Variants in TLK1 observed in about 807,000 individuals in gnomAD.
TLK1 encodes serine/threonine-protein kinase tousled-like 1.
In TLK1, 24 loss-of-function variants were observed where a neutral mutation model predicts 105.3. That is an observed-to-expected ratio of 0.23 (90% confidence interval 0.17 to 0.32). The LOEUF (loss-of-function observed/expected upper bound fraction) is 0.32. Ranked by LOEUF, TLK1 falls within the 10% of genes least tolerant of loss-of-function variation. The pLI is 1.00. For synonymous variants in TLK1, 321 were observed against 310.4 expected (o/e 1.03, Z -0.36); for missense variants, 558 against 910.5 (o/e 0.61, Z 4.98).
At chr2:171,015,050 G>A in intron 12 of TLK1, 102 bp from the exon 13 acceptor site, 1 of 864,474 alleles carries the variant, frequency 1.2e-6, no homozygotes, top group Non-Finnish European at 1.9e-6. Context: ...GGGAAGAATA[G>A]TATATTATAA....
At chr2:171,037,158 T>C (rs1046807831) in intron 11 of TLK1, among the ~76,000 whole-genome samples, 1 of 152,004 alleles carries the variant, frequency 6.6e-6, no homozygotes, top group African/African-American at 2.4e-5. Flanking sequence ...AGAAGCATGA[T>C]GGGCCTGGCA....
chr2:171,016,326 G>T (rs1437300450), intron 12 of TLK1, among the ~76,000 whole-genome samples: 1 of 152,080 alleles, frequency 6.6e-6, no homozygotes, highest in African/African-American at 2.4e-5. Flanking sequence ...TAGAGATGGG[G>T]TCTCACTGTG....
intron 1 of TLK1, among the ~76,000 whole-genome samples, chr2:171,125,202 A>C (rs2105544949): frequency 6.6e-6 from 1 of 152,312 alleles, no homozygotes; most frequent in Admixed American, 6.5e-5. Context: ...TTTATGAAGA[A>C]ATTATGCTGT....
intron 11 of TLK1, among the ~76,000 whole-genome samples, chr2:171,035,457 G>A (rs887606851): frequency 8.5e-5 from 13 of 152,064 alleles, no homozygotes; most frequent in East Asian, 1.9e-4. Context: ...CCCCAACCAC[G>A]CGGAACTGTT....
At chr2:171,105,284 C>G (rs1195872988) in intron 2 of TLK1, among the ~76,000 whole-genome samples, 1 of 152,158 alleles carries the variant, frequency 6.6e-6, no homozygotes, top group Non-Finnish European at 1.5e-5. Flanking sequence ...ACAAGGAACT[C>G]AAACAACTCA....
intron 2 of TLK1, among the ~76,000 whole-genome samples, chr2:171,109,239 T>C (rs1690060124): frequency 6.6e-6 from 1 of 152,214 alleles, no homozygotes; most frequent in African/African-American, 2.4e-5. Flanking sequence ...CAGGGACTGA[T>C]GTCAGGGACT....
At chr2:171,079,024 T>C (rs755341750) in intron 3 of TLK1, among the ~76,000 whole-genome samples, 4 of 152,182 alleles carry the variant, frequency 2.6e-5, no homozygotes, top group Admixed American at 2.6e-4. Context: ...TTCCTGCATA[T>C]AGTCCCTCTA....
intron 4 of TLK1, among the ~76,000 whole-genome samples, chr2:171,058,614 C>T (rs1375694593): frequency 6.6e-6 from 1 of 152,056 alleles, no homozygotes; most frequent in African/African-American, 2.4e-5. Flanking sequence ...TTCTAAAAAG[C>T]ATTCCCAAAT....
intron 11 of TLK1, among the ~76,000 whole-genome samples, chr2:171,042,448 C>T (rs1028801696): frequency 6.6e-6 from 1 of 151,782 alleles, no homozygotes; most frequent in African/African-American, 2.4e-5. Flanking sequence ...GGGTCTTGCT[C>T]TGTTGCCCAG....
chr2:171,185,523 A>C (rs747877730), intron 1 of TLK1, among the ~76,000 whole-genome samples: 5 of 152,118 alleles, frequency 3.3e-5, no homozygotes, highest in Non-Finnish European at 7.3e-5. Flanking sequence ...TGCAGAGTGC[A>C]CTACACTTTC....
intron 1 of TLK1, among the ~76,000 whole-genome samples, chr2:171,224,503 C>T (rs1693864766): frequency 6.6e-6 from 1 of 151,996 alleles, no homozygotes; most frequent in Admixed American, 6.6e-5. Flanking sequence ...AAACTTTAGA[C>T]TGCTTTGTAT....
At chr2:171,000,481 T>C (rs894591256) in intron 18 of TLK1, among the ~76,000 whole-genome samples, 11 of 152,140 alleles carry the variant, frequency 7.2e-5, no homozygotes, top group African/African-American at 2.2e-4. Flanking sequence ...TTTTATATGC[T>C]GTATTATATA....
At position 171,204,856 on chromosome 2, in the gene TLK1, G is replaced by T. The variant is rs545470707; in HGVS notation, c.-6+26289C>A. On this transcript the variant is annotated intron_variant, in intron 1 of 20. Transcript: ENST00000521943. ...GCCTGTAATCCCAGCTACTCGGGAG[G>T]CTGAGGCAGGAGAATCACTTGAACC... Among the ~76,000 whole-genome samples the T allele has an allele frequency of 1.8e-3, 280 of 152,154 alleles. 1 individual carries two copies. The highest frequency in any genetic ancestry group is 6.4e-3 in the African/African-American group (267 of 41,500).
At chr2:171,225,209 T>A (rs1317394222) in intron 1 of TLK1, among the ~76,000 whole-genome samples, 1 of 152,110 alleles carries the variant, frequency 6.6e-6, no homozygotes, top group Non-Finnish European at 1.5e-5. Flanking sequence ...ACCCACAAAT[T>A]GGGAGAAAAT....
chr2:171,226,334 G>A (rs1464885335), intron 1 of TLK1, among the ~76,000 whole-genome samples: 1 of 152,092 alleles, frequency 6.6e-6, no homozygotes, highest in Non-Finnish European at 1.5e-5. Context: ...AATCAGTAAA[G>A]CATCAAAAGA....
rs1312742171 is a variant in TLK1 at position 171,006,906 on chromosome 2, T to C, written c.1509-17A>G. On this transcript the variant is annotated splice_polypyrimidine_tract_variant and intron_variant, in intron 15 of 20. Coordinates refer to ENST00000431350, the MANE Select transcript of TLK1 (RefSeq NM_012290.5). ...CAGGCATGTCTATGAGAAGACAGTG[T>C]ATTAATTCTCCATGATCATTCAAAA... The C allele has an allele frequency of 1.9e-6, 3 of 1,608,852 alleles. No individual in the cohort carries two copies. The highest frequency in any genetic ancestry group is 8.5e-7 in the Non-Finnish European group (1 of 1,177,098).
At chr2:171,055,461 C>T (rs918146223) in intron 6 of TLK1, among the ~76,000 whole-genome samples, 1 of 150,992 alleles carries the variant, frequency 6.6e-6, no homozygotes, top group Admixed American at 6.6e-5. Context: ...TGCTTTCATA[C>T]AGTTAAAAAA....
At chr2:171,113,772 A>G (rs1260630962) in intron 2 of TLK1, among the ~76,000 whole-genome samples, 1 of 152,218 alleles carries the variant, frequency 6.6e-6, no homozygotes, top group Non-Finnish European at 1.5e-5. Context: ...GATGGATTAA[A>G]GAGCAAGTAT....
intron 1 of TLK1, among the ~76,000 whole-genome samples, chr2:171,203,957 C>G (rs1223904714): frequency 6.6e-6 from 1 of 151,838 alleles, no homozygotes; most frequent in Non-Finnish European, 1.5e-5. Flanking sequence ...GAGGCTGAGG[C>G]AGGAGAATCG....
Sources: gnomAD v4.1 joint callset for allele counts (sites outside exome capture counted in the v4.1 genomes callset) on GRCh38, gnomAD v4.1.1 for gene constraint, MANE v1.5 for transcripts, NCBI Gene and HGNC (gene_info 2026-07-23, HGNC 2026-07-21) for gene names.